The following EHD4 variants were observed in gnomAD, a reference collection of about 807,000 sequenced individuals.
The protein encoded by EHD4 is EH domain-containing protein 4.
A neutral mutation model predicts 51.0 loss-of-function variants in EHD4; 37 were observed. The ratio of observed to expected loss-of-function variants is 0.73; its 90% CI spans 0.56 to 0.95. The LOEUF is 0.95. Ranked by LOEUF, EHD4 falls within the 40% of genes least tolerant of loss-of-function variation. The pLI is 0.00. For synonymous variants in EHD4, 297 were observed against 317.3 expected (o/e 0.94, Z 0.68); for missense variants, 632 against 733.1 (o/e 0.86, Z 1.59).
At chr15:41,935,043 C>T (rs950630593) in intron 3 of EHD4, among the ~76,000 whole-genome samples, 3 of 152,208 alleles carry the variant, frequency 2.0e-5, no homozygotes, top group African/African-American at 4.8e-5. Context: ...TCACCCACCA[C>T]TTCCTGGCTG....
intron 1 of EHD4, among the ~76,000 whole-genome samples, chr15:41,955,813 C>A (rs995911351): frequency 3.3e-5 from 5 of 152,134 alleles, no homozygotes; most frequent in African/African-American, 1.2e-4. Context: ...ACTCCATATA[C>A]CCATGGGAAT....
intron 1 of EHD4, among the ~76,000 whole-genome samples, chr15:41,971,573 G>A (rs2067995511): frequency 6.6e-6 from 1 of 152,204 alleles, no homozygotes; most frequent in Non-Finnish European, 1.5e-5. Context: ...AGTTGTCAAG[G>A]GTAAGCGAGG....
intron 2 of EHD4, among the ~76,000 whole-genome samples, chr15:41,949,077 T>C (rs1311595188): frequency 7.8e-6 from 1 of 127,830 alleles, no homozygotes; most frequent in African/African-American, 2.9e-5. Flanking sequence ...CACATACATA[T>C]ACATAAATTT....
At position 41,914,479 on chromosome 15, in the gene EHD4, G is replaced by A. The variant is rs561885155; in HGVS notation, c.925-4616C>T. Among the ~76,000 whole-genome samples the A allele has an allele frequency of 1.1e-4, 17 of 152,336 alleles. No individual in the cohort carries two copies. In the South Asian group the frequency reaches 2.7e-3, roughly 24 times the overall value. On this transcript the variant is annotated intron_variant, in intron 4 of 5. Coordinates refer to ENST00000220325, the MANE Select transcript of EHD4 (RefSeq NM_139265.4). ...GGGCAGCTGACTTGAGCAAGGGTTTGTTATTCTGCTCAGATCAAAACTGGC... is the reference window on the plus strand; with the variant it reads ...GGGCAGCTGACTTGAGCAAGGGTTTATTATTCTGCTCAGATCAAAACTGGC...
intron 4 of EHD4, among the ~76,000 whole-genome samples, chr15:41,914,275 G>A (rs1595532040): frequency 6.6e-6 from 1 of 152,210 alleles, no homozygotes; most frequent in East Asian, 1.9e-4. Context: ...AACGCAACCT[G>A]CTGGAGACCT....
chr15:41,960,885 C>CT (rs1019223863), intron 1 of EHD4, among the ~76,000 whole-genome samples: 1 of 152,102 alleles, frequency 6.6e-6, no homozygotes, highest in African/African-American at 2.4e-5. Context: ...GTTGTCCAGG[C>CT]TGGTCTCAAA....
intron 3 of EHD4, among the ~76,000 whole-genome samples, chr15:41,940,005 G>A (rs751261857): frequency 1.2e-4 from 18 of 151,952 alleles, no homozygotes; most frequent in Non-Finnish European, 2.6e-4. Context: ...AATAAATAGG[G>A]ATGAGGTCTC....
At chr15:41,917,096 C>CTTATTTATTTAT (rs56087855) in intron 4 of EHD4, among the ~76,000 whole-genome samples, 2,173 of 141,852 alleles carry the variant, frequency 0.015, 32 homozygotes, top group Admixed American at 0.022. Flanking sequence ...CTTTCTGCTC[C>CTTATTTATTTAT]TTATTTATTT....
chr15:41,950,294 A>C lies in EHD4; in HGVS notation c.413+3470T>G, dbSNP rs546954438. 7.2e-5 allele frequency among the ~76,000 whole-genome samples: 11 copies of C among 152,252 alleles called. 1 individual carries two copies. In the South Asian group the frequency reaches 2.3e-3, roughly 32 times the overall value. ...CCCCTCCAGGTATCACCTGGTACTT[A>C]ACTCTTTTAAAGATGCCCCTGGGGG... On this transcript the variant is annotated intron_variant, in intron 2 of 5. Transcript: ENST00000220325.
At chr15:41,912,316 G>C (rs1490801318) in intron 4 of EHD4, among the ~76,000 whole-genome samples, 2 of 152,142 alleles carry the variant, frequency 1.3e-5, no homozygotes, top group Non-Finnish European at 2.9e-5. Flanking sequence ...CGCTGCCTCT[G>C]CATGTCCACC....
intron 3 of EHD4, among the ~76,000 whole-genome samples, chr15:41,929,405 G>A (rs1019707498): frequency 2.0e-5 from 3 of 152,244 alleles, no homozygotes; most frequent in Non-Finnish European, 2.9e-5. Context: ...TTCGTGCCAC[G>A]CCACAGACAT....
intron 3 of EHD4, among the ~76,000 whole-genome samples, chr15:41,927,215 G>A (rs910853607): frequency 6.6e-6 from 1 of 152,192 alleles, no homozygotes; most frequent in Non-Finnish European, 1.5e-5. Flanking sequence ...TTACTACTGA[G>A]CACAGTAGGT....
intron 3 of EHD4, among the ~76,000 whole-genome samples, chr15:41,929,507 G>A (rs1044128767): frequency 2.0e-5 from 3 of 152,208 alleles, no homozygotes; most frequent in Non-Finnish European, 2.9e-5. Context: ...ATTGGGTTTC[G>A]CATCTCACTT....
intron 3 of EHD4, among the ~76,000 whole-genome samples, chr15:41,929,403 A>AT (rs2140993151): frequency 6.6e-6 from 1 of 152,358 alleles, no homozygotes; most frequent in East Asian, 1.9e-4. Flanking sequence ...GGTTCGTGCC[A>AT]CGCCACAGAC....
At chr15:41,972,115 C>G in intron 1 of EHD4, 144 bp downstream of exon 1, 1 of 767,512 alleles carries the variant, frequency 1.3e-6, no homozygotes, top group Non-Finnish European at 1.7e-6. Flanking sequence ...CGGGGCGGGG[C>G]CGAGGGCACC....
intron 3 of EHD4, among the ~76,000 whole-genome samples, chr15:41,940,172 T>A (rs1268738281): frequency 2.0e-5 from 3 of 151,940 alleles, no homozygotes; most frequent in African/African-American, 7.3e-5. Flanking sequence ...GGAGGAGCAG[T>A]GGAGGGCAGT....
At chr15:41,914,340 C>G (rs937785116) in intron 4 of EHD4, among the ~76,000 whole-genome samples, 1 of 140,576 alleles carries the variant, frequency 7.1e-6, no homozygotes, top group Non-Finnish European at 1.6e-5. Context: ...GCCAGGGTAT[C>G]AGCACGTTTA....
chr15:41,949,016 CTATATATATA>C lies in EHD4; in HGVS notation c.413+4738_413+4747del, dbSNP rs3035677. On this transcript the variant is annotated intron_variant, in intron 2 of 5. Coordinates refer to ENST00000220325, the MANE Select transcript of EHD4 (RefSeq NM_139265.4). Reference sequence around the variant, plus strand: ...CTCCAGCCTGGGCAACAGAGTGAGACTATATATATATATATATATATATATATATATATAT... The same window carrying C: ...CTCCAGCCTGGGCAACAGAGTGAGACTATATATATATATATATATATATAT... Among the ~76,000 whole-genome samples, 352 of 92,358 alleles carry C rather than the reference CTATATATATA, an allele frequency of 3.8e-3. 10 individuals are homozygous for C. The Middle Eastern group carries it at 0.042, about 11-fold the overall frequency. 60.6% of individuals were successfully genotyped at this position (92,358 alleles called of 152,430 possible).
At chr15:41,940,462 G>A (rs1467110670) in intron 3 of EHD4, among the ~76,000 whole-genome samples, 1 of 152,178 alleles carries the variant, frequency 6.6e-6, no homozygotes, top group Non-Finnish European at 1.5e-5. Context: ...GCATTCTTTG[G>A]GGTTAGTGTG....
Sources: gnomAD v4.1 joint callset for allele counts (sites outside exome capture counted in the v4.1 genomes callset) on GRCh38, gnomAD v4.1.1 for gene constraint, MANE v1.5 for transcripts, NCBI Gene and HGNC (gene_info 2026-07-23, HGNC 2026-07-21) for gene names.